Variants in PATL1 observed in about 807,000 individuals in gnomAD.
The protein encoded by PATL1 is protein PAT1 homolog 1.
Under a neutral mutation model 100.6 loss-of-function variants are expected in PATL1, and 32 were observed. That is an observed-to-expected ratio of 0.32 (90% CI 0.24 to 0.43). PATL1 has a LOEUF of 0.43. Among genes scored for constraint, PATL1 ranks in the 20% least tolerant of loss-of-function variants. The pLI is 1.00. For synonymous variants in PATL1, 332 were observed against 330.0 expected, an observed-to-expected ratio of 1.01 and a Z score of -0.07; for missense variants, 747 against 949.9, an observed-to-expected ratio of 0.79 and a Z score of 2.81.
chr11:59,664,139 A>G (rs1861659064), intron 2 of PATL1, among the ~76,000 whole-genome samples: 1 of 152,180 alleles, frequency 6.6e-6, no homozygotes. Flanking sequence ...AAGTGGGCTA[A>G]TCATATGCTA....
chr11:59,652,806 T>C (rs760923685), intron 10 of PATL1, 32 bp downstream of exon 10: 6 of 1,603,130 alleles, frequency 3.7e-6, no homozygotes, highest in South Asian at 1.1e-5. Context: ...GGGACCAAAC[T>C]ATTATCCTCA....
Position 59,652,907 on chromosome 11 carries a change from A to G in PATL1, c.1233T>C (p.Asp411=), listed in dbSNP as rs574320475. The part of the protein sequence containing the change: ...YANLMLQREK[D]WVSKIQMMQL... ...GCATCATCTGGATTTTAGAGACCCA[A>G]TCCTTTTCCCGCTGCAACATGAGAT... The change falls in exon 10 of 19, where the codon GAT becomes GAC. Residue 411 remains aspartate, a synonymous_variant. Transcript: ENST00000300146. 2.5e-6 allele frequency: 4 copies of G among 1,613,946 alleles called. No homozygotes were observed. Among genetic ancestry groups the G allele is most frequent in the East Asian group, 2.2e-5 (1 of 44,882 alleles).
chr11:59,653,060 A>G (rs769731722), intron 9 of PATL1, 42 bp from the exon 10 acceptor site: 1 of 1,504,618 alleles, frequency 6.6e-7, no homozygotes, highest in Non-Finnish European at 9.0e-7. Flanking sequence ...GGGCAAATTA[A>G]TTACGCTTTT....
intron 11 of PATL1, among the ~76,000 whole-genome samples, chr11:59,652,008 C>T (rs753234035): frequency 7.6e-6 from 1 of 131,856 alleles, no homozygotes; most frequent in Non-Finnish European, 1.5e-5. Flanking sequence ...GAGGTTGCAG[C>T]GAGCTGAGAT....
intron 16 of PATL1, among the ~76,000 whole-genome samples, chr11:59,640,576 C>G (rs1448112328): frequency 6.6e-6 from 1 of 151,620 alleles, no homozygotes; most frequent in Admixed American, 6.6e-5. Flanking sequence ...AAAAATTAGC[C>G]AGGCGTGGTG....
chr11:59,661,791 A>T (rs1404908646), intron 2 of PATL1, among the ~76,000 whole-genome samples: 2 of 152,244 alleles, frequency 1.3e-5, no homozygotes, highest in African/African-American at 4.8e-5. Flanking sequence ...TTATTTAAGC[A>T]ATATGTCTTG....
In PATL1 at chr11:59,649,628, A is replaced by C; in HGVS notation, c.1585-18T>G. On this transcript the variant is annotated intron_variant, in intron 13 of 18. Transcript: ENST00000300146. Reference sequence around the variant, plus strand: ...CTGTAGGTCTAAGAAGGGAGACAAAAGCAGGCCACAGCATGCTAGGTCAGA... The same window carrying C: ...CTGTAGGTCTAAGAAGGGAGACAAACGCAGGCCACAGCATGCTAGGTCAGA... 2.5e-6 allele frequency: 4 copies of C among 1,607,950 alleles called. No individual in the cohort carries two copies. Among genetic ancestry groups the C allele is most frequent in the Non-Finnish European group, 3.4e-6 (4 of 1,176,852 alleles).
Position 59,642,995 on chromosome 11 carries a change from T to C in PATL1, c.1934A>G (p.Tyr645Cys), listed in dbSNP as rs79336999. The C allele has an allele frequency of 1.3e-3, 2,018 of 1,613,846 alleles. 26 individuals carry two copies. The African/African-American group carries it at 0.025, about 20-fold the overall frequency. ...GGTGATACTCACTGATGGAAGATGA[T>C]AGAGAAGGAGAGAGAAGGGACTCAG... ...CLLSPFSLLL[Y>C]HLPSVSITSL... The change falls in exon 16 of 19, where the codon TAT (tyrosine) becomes TGT (cysteine). Residue 645 changes from tyrosine (Y) to cysteine (C), a missense_variant. This residue lies in a region of PATL1 where 434 missense variants were observed against 596.1 expected (regional missense o/e 0.73). Transcript: ENST00000300146.
At chr11:59,650,125 A>AG (rs1464491066) in intron 13 of PATL1, among the ~76,000 whole-genome samples, 3 of 145,116 alleles carry the variant, frequency 2.1e-5, no homozygotes, top group Non-Finnish European at 4.6e-5. Context: ...CCATCTCAAA[A>AG]GGAAAAAAAA....
In PATL1 at chr11:59,658,960, A is replaced by G; in HGVS notation, c.346-14T>C. On this transcript the variant is annotated splice_polypyrimidine_tract_variant and intron_variant, in intron 3 of 18. Transcript: ENST00000300146. The stretch of plus-strand genomic sequence containing the variant: ...TCCTGGTTGGGGCTAACAAAAAAGG[A>G]AAACATACAGAGTCTGAAATGTTGT... 6.5e-7 allele frequency: 1 copy of G among 1,542,234 alleles called. No homozygotes were observed. The highest frequency in any genetic ancestry group is 1.2e-5 in the South Asian group (1 of 82,456).
chr11:59,651,397 T>C, intron 12 of PATL1, 147 bp downstream of exon 12: 1 of 629,364 alleles, frequency 1.6e-6, no homozygotes, highest in South Asian at 2.0e-5. Context: ...GCAGCACATC[T>C]GTGGAAAACT....
intron 13 of PATL1, among the ~76,000 whole-genome samples, 192 bp downstream of exon 13, chr11:59,650,562 G>A (rs1861427678): frequency 6.6e-6 from 1 of 152,194 alleles, no homozygotes; most frequent in Admixed American, 6.5e-5. Context: ...TTCTTTCCAT[G>A]ATGCCAATAG....
At chr11:59,659,010 T>C in intron 3 of PATL1, 64 bp from the exon 4 acceptor site, 1 of 1,395,430 alleles carries the variant, frequency 7.2e-7, no homozygotes, top group Non-Finnish European at 9.8e-7. Flanking sequence ...ACTTATCTGC[T>C]GCTGGGGAAC....
At chr11:59,659,521 G>T in intron 2 of PATL1, 52 bp from the exon 3 acceptor site, 8 of 1,417,938 alleles carry the variant, frequency 5.6e-6, no homozygotes, top group Admixed American at 2.3e-5. Flanking sequence ...GTACAAAAAA[G>T]TTTTACACAA....
At chr11:59,663,793 GTAT>G (rs1029970947) in intron 2 of PATL1, among the ~76,000 whole-genome samples, 117 of 152,096 alleles carry the variant, frequency 7.7e-4, no homozygotes, top group African/African-American at 2.7e-3. Flanking sequence ...GTAATAGCAG[GTAT>G]TATTCCAGAT....
At position 59,656,500 on chromosome 11, in the gene PATL1, G is replaced by C; in HGVS notation, c.722C>G (p.Pro241Arg). The change falls in exon 6 of 19, where the codon CCG (proline) becomes CGG (arginine). Residue 241 changes from proline (P) to arginine (R), a missense_variant and splice_region_variant. Physicochemically the swap from Pro to Arg is moderately radical, Grantham distance 103. Coordinates refer to ENST00000300146, the MANE Select transcript of PATL1 (RefSeq NM_152716.3). ...TTTGTTAGGCTTAAAGTGACATACC[G>C]GGACACTGCAGAGCTGGTTTGGAGA... ...RMSPNQLCSVPNSSLLGHPFP... is the reference protein window; with the variant it reads ...RMSPNQLCSVRNSSLLGHPFP... 1 of 1,612,108 alleles carries C rather than the reference G, an allele frequency of 6.2e-7. No individual in the cohort carries two copies. The highest frequency in any genetic ancestry group is 8.5e-7 in the Non-Finnish European group (1 of 1,178,354).
intron 16 of PATL1, 109 bp downstream of exon 16, chr11:59,642,771 G>T: frequency 8.1e-7 from 1 of 1,237,590 alleles, no homozygotes; most frequent in South Asian, 1.7e-5. Context: ...ACTCTTGACT[G>T]AAAGAAGCCT....
chr11:59,659,562 C>T, intron 2 of PATL1, 93 bp from the exon 3 acceptor site: 3 of 1,182,416 alleles, frequency 2.5e-6, no homozygotes, highest in South Asian at 1.5e-5. Flanking sequence ...GACAGAGTCT[C>T]ACTCTGTCGC....
At chr11:59,665,044 T>C (rs989594850) in intron 2 of PATL1, among the ~76,000 whole-genome samples, 2 of 152,230 alleles carry the variant, frequency 1.3e-5, no homozygotes, top group Admixed American at 6.5e-5. Context: ...TCCTAACCCA[T>C]GCCTATAATC....
Sources: gnomAD v4.1 joint callset for allele counts (sites outside exome capture counted in the v4.1 genomes callset) on GRCh38, gnomAD v4.1.1 for gene constraint, gnomAD v4.1.1 regional missense constraint, MANE v1.5 for transcripts, NCBI Gene and HGNC (gene_info 2026-07-23, HGNC 2026-07-21) for gene names.